The following COBL variants were observed in gnomAD, a reference collection of about 807,000 sequenced individuals.
COBL encodes the protein cordon-bleu WH2 repeat protein.
Under a neutral mutation model 98.8 loss-of-function variants are expected in COBL, and 51 were observed. The observed-to-expected ratio is 0.52, with a 90% CI of 0.41 to 0.65. The LOEUF is 0.65. Ranked by LOEUF, COBL falls within the 30% of genes least tolerant of loss-of-function variation. The probability of loss-of-function intolerance (pLI) is 0.00; values close to 1 mark genes in which losing one functional copy is unlikely to be tolerated. For missense variants in COBL, 1,617 were observed against 1,617.5 expected, an observed-to-expected ratio of 1.00 and a Z score of 0.01; for synonymous variants, 634 against 651.7, an observed-to-expected ratio of 0.97 and a Z score of 0.41.
chr7:51,299,145 G>A (rs1288709939), intron 1 of COBL, among the ~76,000 whole-genome samples: 1 of 152,004 alleles, frequency 6.6e-6, no homozygotes, highest in Non-Finnish European at 1.5e-5. Context: ...GCCACACAAC[G>A]TTCCAAGTCT....
intron 7 of COBL, among the ~76,000 whole-genome samples, chr7:51,052,465 G>C (rs1485851000): frequency 3.9e-5 from 6 of 152,104 alleles, no homozygotes; most frequent in Non-Finnish European, 7.4e-5. Flanking sequence ...CATTTCTTGA[G>C]GCAAAAACCT....
At chr7:51,254,486 A>G (rs564854086) in intron 1 of COBL, among the ~76,000 whole-genome samples, 1 of 152,304 alleles carries the variant, frequency 6.6e-6, no homozygotes, top group South Asian at 2.1e-4. Flanking sequence ...AACCAAACCA[A>G]AACAAATTGG....
intron 6 of COBL, among the ~76,000 whole-genome samples, chr7:51,101,037 G>C (rs2128962370): frequency 6.6e-6 from 1 of 152,318 alleles, no homozygotes; most frequent in East Asian, 1.9e-4. Context: ...ACACAATTTG[G>C]AGAAGCATTA....
intron 6 of COBL, among the ~76,000 whole-genome samples, chr7:51,109,376 A>T (rs1301219064): frequency 6.6e-6 from 1 of 152,128 alleles, no homozygotes; most frequent in Non-Finnish European, 1.5e-5. Flanking sequence ...CTGCATCATC[A>T]TCTGCATCTG....
At chr7:51,219,992 C>T in intron 1 of COBL, 48 bp from the exon 2 acceptor site, 1 of 1,546,788 alleles carries the variant, frequency 6.5e-7, no homozygotes, top group Non-Finnish European at 8.8e-7. Flanking sequence ...AATGTTCCTA[C>T]CTGCCTCGGA....
intron 6 of COBL, among the ~76,000 whole-genome samples, chr7:51,101,485 AAGTGAGCAG>A (rs1583796285): frequency 6.6e-6 from 1 of 152,346 alleles, no homozygotes; most frequent in Non-Finnish European, 1.5e-5. Flanking sequence ...TACAAGTAAT[AAGTGAGCAG>A]AGTGAGGATT....
intron 1 of COBL, among the ~76,000 whole-genome samples, chr7:51,265,959 C>T (rs1798163695): frequency 6.6e-6 from 1 of 152,248 alleles, no homozygotes; most frequent in South Asian, 2.1e-4. Context: ...ATTGGCGTTT[C>T]CCTACCATTT....
At chr7:51,282,682 C>A (rs886681261) in intron 1 of COBL, among the ~76,000 whole-genome samples, 1 of 152,082 alleles carries the variant, frequency 6.6e-6, no homozygotes, top group African/African-American at 2.4e-5. Context: ...CTCACAAATA[C>A]AATCAACCAA....
chr7:51,118,768 A>T (rs1449535389), intron 6 of COBL, among the ~76,000 whole-genome samples: 2 of 152,130 alleles, frequency 1.3e-5, no homozygotes, highest in Non-Finnish European at 2.9e-5. Flanking sequence ...TCTGGGATGG[A>T]TTCAAATCCA....
At chr7:51,073,337 G>A (rs1469313477) in intron 7 of COBL, 6 of 696,456 alleles carry the variant, frequency 8.6e-6, no homozygotes, top group South Asian at 4.5e-5. Flanking sequence ...GAAGAGGCCC[G>A]TCCATCAGAA....
chr7:51,148,791 G>A (rs551785199), intron 5 of COBL, among the ~76,000 whole-genome samples: 5 of 152,220 alleles, frequency 3.3e-5, no homozygotes, highest in Admixed American at 1.3e-4. Context: ...TGCTGGCAGC[G>A]GGGGCTGTAG....
intron 5 of COBL, among the ~76,000 whole-genome samples, chr7:51,137,021 G>T (rs899671952): frequency 1.3e-5 from 2 of 152,160 alleles, no homozygotes; most frequent in African/African-American, 2.4e-5. Flanking sequence ...TCTCCCTAAG[G>T]TCTGCTTAAT....
chr7:51,208,221 C>T (rs1056788825), intron 2 of COBL, among the ~76,000 whole-genome samples: 3 of 147,604 alleles, frequency 2.0e-5, no homozygotes, highest in African/African-American at 7.5e-5. Flanking sequence ...AAGTGAGGAG[C>T]CCCTCCGCCC....
In COBL at chr7:51,076,591, AATAG is replaced by A. The variant is rs773932472; in HGVS notation, c.1096+8571_1096+8574del. On this transcript the variant is annotated intron_variant, in intron 7 of 12. Coordinates refer to ENST00000265136, the MANE Select transcript of COBL (RefSeq NM_015198.5). The stretch of plus-strand genomic sequence containing the variant: ...CTCAAGATACTCTCTTCTAATTCAA[AATAG>A]ATAGTTCATTCCTCTCATTTTATTT... Among the ~76,000 whole-genome samples the A allele has an allele frequency of 7.2e-5, 11 of 152,366 alleles. No homozygotes were observed. The East Asian group carries it at 9.6e-4, about 13-fold the overall frequency.
intron 1 of COBL, among the ~76,000 whole-genome samples, chr7:51,300,229 C>T (rs1315541812): frequency 6.6e-6 from 1 of 152,130 alleles, no homozygotes; most frequent in East Asian, 1.9e-4. Flanking sequence ...GGCATCATGT[C>T]GGCTCACTGC....
chr7:51,261,493 T>C (rs1372944533), intron 1 of COBL, among the ~76,000 whole-genome samples: 1 of 152,190 alleles, frequency 6.6e-6, no homozygotes. Context: ...CAAAAGCTAC[T>C]GCGAAACACA....
rs138036160 is a variant in COBL at position 51,098,960 on chromosome 7, C to T, written c.958-13656G>A. On this transcript the variant is annotated intron_variant, in intron 6 of 12. Coordinates refer to ENST00000265136, the MANE Select transcript of COBL (RefSeq NM_015198.5). Reference sequence around the variant, plus strand: ...CAAAGAGGCAAAGAATTTGAAGAGACGTTTCTCCAAGGAAGATATACAAAT... The same window carrying T: ...CAAAGAGGCAAAGAATTTGAAGAGATGTTTCTCCAAGGAAGATATACAAAT... 1.2e-3 allele frequency among the ~76,000 whole-genome samples: 175 copies of T among 152,122 alleles called. 1 individual carries two copies. Among genetic ancestry groups the T allele is most frequent in the African/African-American group, 4.0e-3 (166 of 41,544 alleles).
chr7:51,069,786 T>C (rs1391651180), intron 7 of COBL, among the ~76,000 whole-genome samples: 1 of 152,336 alleles, frequency 6.6e-6, no homozygotes, highest in Non-Finnish European at 1.5e-5. Context: ...TTAAATCTTG[T>C]CCCTTATGGG....
intron 6 of COBL, among the ~76,000 whole-genome samples, chr7:51,100,355 C>G (rs1795701088): frequency 6.6e-6 from 1 of 152,192 alleles, no homozygotes; most frequent in South Asian, 2.1e-4. Flanking sequence ...ACGTTCCTGA[C>G]CTCAAGCTGT....
Sources: gnomAD v4.1 joint callset for allele counts (sites outside exome capture counted in the v4.1 genomes callset) on GRCh38, gnomAD v4.1.1 for gene constraint, MANE v1.5 for transcripts, NCBI Gene and HGNC (gene_info 2026-07-23, HGNC 2026-07-21) for gene names.